MYO1E: variants seen among roughly 807,000 people sequenced by gnomAD.
MYO1E encodes the protein unconventional myosin-Ie.
A neutral mutation model predicts 151.1 loss-of-function variants in MYO1E; 68 were observed. The observed-to-expected ratio is 0.45, with a 90% confidence interval of 0.37 to 0.55. MYO1E has a LOEUF of 0.55. MYO1E is among the 20% of genes least tolerant of loss of function. The pLI is 0.00. For synonymous variants in MYO1E, 601 were observed against 501.7 expected (o/e 1.20, Z -2.64); for missense variants, 1,363 against 1,389.3 (o/e 0.98, Z 0.30).
intron 18 of MYO1E, among the ~76,000 whole-genome samples, chr15:59,180,581 CTT>C (rs1331118994): frequency 3.3e-5 from 5 of 151,004 alleles, no homozygotes; most frequent in Non-Finnish European, 5.9e-5. Flanking sequence ...CTTGCAGAGA[CTT>C]TCTCTCCCTT....
intron 12 of MYO1E, among the ~76,000 whole-genome samples, chr15:59,211,171 G>C (rs1300664787): frequency 6.8e-6 from 1 of 148,102 alleles, no homozygotes; most frequent in Non-Finnish European, 1.5e-5. Context: ...CTGCACTTCA[G>C]CCTGGATGAC....
At chr15:59,196,237 C>G (rs2140330535) in intron 16 of MYO1E, among the ~76,000 whole-genome samples, 2 of 152,184 alleles carry the variant, frequency 1.3e-5, no homozygotes, top group East Asian at 3.9e-4. Flanking sequence ...CTAGAATATT[C>G]TATATAAAAC....
chr15:59,208,939 C>A (rs2079859117), intron 13 of MYO1E, 91 bp from the exon 14 acceptor site: 5 of 1,456,632 alleles, frequency 3.4e-6, no homozygotes, highest in Non-Finnish European at 4.7e-6. Context: ...GGAAACAGCT[C>A]CCCAGACTTA....
chr15:59,311,346 A>G (rs2080550414), intron 1 of MYO1E, among the ~76,000 whole-genome samples: 1 of 152,126 alleles, frequency 6.6e-6, no homozygotes, highest in African/African-American at 2.4e-5. Context: ...GCAGTTCATA[A>G]CAGGGTTCGG....
At chr15:59,322,937 G>A (rs984011315) in intron 1 of MYO1E, among the ~76,000 whole-genome samples, 3 of 151,508 alleles carry the variant, frequency 2.0e-5, no homozygotes, top group African/African-American at 4.9e-5. Flanking sequence ...CGAGGTGGGC[G>A]GATCACGAGG....
At chr15:59,272,898 T>C (rs8039095) in intron 1 of MYO1E, among the ~76,000 whole-genome samples, 113,398 of 152,142 alleles carry the variant, frequency 0.75, 43,595 homozygotes, top group Non-Finnish European at 0.86. Context: ...TTTCTAGTCT[T>C]GTTTTGCAAA....
At chr15:59,176,289 T>C (rs1223548057) in intron 19 of MYO1E, among the ~76,000 whole-genome samples, 1 of 152,104 alleles carries the variant, frequency 6.6e-6, no homozygotes, top group African/African-American at 2.4e-5. Flanking sequence ...CTTGATCTCC[T>C]GACCTCGTGA....
intron 1 of MYO1E, among the ~76,000 whole-genome samples, chr15:59,293,003 C>G (rs2080428851): frequency 6.6e-6 from 1 of 152,142 alleles, no homozygotes; most frequent in Non-Finnish European, 1.5e-5. Context: ...GTGTGCTGGG[C>G]TGGGGAAGCC....
intron 18 of MYO1E, among the ~76,000 whole-genome samples, chr15:59,185,658 T>A (rs1217942853): frequency 3.3e-5 from 5 of 152,216 alleles, no homozygotes; most frequent in African/African-American, 1.2e-4. Context: ...GGAGGACTGC[T>A]TAAGCCCAAG....
intron 1 of MYO1E, among the ~76,000 whole-genome samples, chr15:59,329,425 C>G (rs2080685626): frequency 6.6e-6 from 1 of 152,134 alleles, no homozygotes; most frequent in South Asian, 2.1e-4. Flanking sequence ...CATTAGGTAC[C>G]CAATAGCAAT....
intron 1 of MYO1E, among the ~76,000 whole-genome samples, chr15:59,308,568 A>T (rs1408904111): frequency 6.6e-6 from 1 of 151,770 alleles, no homozygotes; most frequent in Admixed American, 6.6e-5. Flanking sequence ...GCTACATGGG[A>T]GGCTGAGGCA....
At chr15:59,300,792 C>T (rs1335794327) in intron 1 of MYO1E, among the ~76,000 whole-genome samples, 2 of 151,666 alleles carry the variant, frequency 1.3e-5, no homozygotes, top group African/African-American at 4.8e-5. Context: ...GCTAGCCAAA[C>T]GATAAAATCA....
At chr15:59,259,461 T>C (rs1566994639) in intron 3 of MYO1E, among the ~76,000 whole-genome samples, 1 of 152,204 alleles carries the variant, frequency 6.6e-6, no homozygotes, top group South Asian at 2.1e-4. Context: ...TTCCCCTCTT[T>C]AGGTCAGGTT....
rs1298967038 is a variant in MYO1E at position 59,133,311 on chromosome 15, G to T, written c.*4069C>A. ...CACCTGAGCCCTGGAGTTTGAGACT[G>T]CAGTAAGGCATGATCGCACCACTGT... On this transcript the variant is annotated 3_prime_UTR_variant, in exon 28 of 28. Coordinates refer to ENST00000288235, the MANE Select transcript of MYO1E (RefSeq NM_004998.4). 1 of 152,190 alleles carries T rather than the reference G, an allele frequency of 6.6e-6. No homozygotes were observed. The allele number at this position is 152,190 out of a possible 1,614,324, so 9.4% of individuals were successfully genotyped here.
rs550185166 is a variant in MYO1E, at chr15:59,316,125, C to T, written c.4-43676G>A. ...CCATCAAACCTCCACTTGCAAAAACCGAAAAAGCATACAAGAAATTCTTGG... is the reference window on the plus strand; with the variant it reads ...CCATCAAACCTCCACTTGCAAAAACTGAAAAAGCATACAAGAAATTCTTGG... On this transcript the variant is annotated intron_variant, in intron 1 of 27. Transcript: ENST00000288235. Among the ~76,000 whole-genome samples, 7 of 152,170 alleles carry T rather than the reference C, an allele frequency of 4.6e-5. No homozygotes were observed. The East Asian group carries it at 5.8e-4, about 13-fold the overall frequency.
intron 4 of MYO1E, among the ~76,000 whole-genome samples, chr15:59,251,997 C>T (rs564643061): frequency 1.3e-5 from 2 of 152,288 alleles, no homozygotes; most frequent in South Asian, 4.1e-4. Context: ...CAAACTTATT[C>T]TATCTGTCTA....
chr15:59,356,189 G>C (rs569431960), intron 1 of MYO1E, among the ~76,000 whole-genome samples: 1 of 152,296 alleles, frequency 6.6e-6, no homozygotes, highest in Admixed American at 6.5e-5. Flanking sequence ...CATGACTGCA[G>C]ATTGCTTTCT....
chr15:59,203,914 C>T (rs41505445), intron 15 of MYO1E, among the ~76,000 whole-genome samples: 7,631 of 152,232 alleles, frequency 0.05, 220 homozygotes, highest in Middle Eastern at 0.095. Context: ...TTTTGGGCAT[C>T]TTGAATTTTC....
chr15:59,371,435 A>ATTT (rs66673127), intron 1 of MYO1E, among the ~76,000 whole-genome samples: 1,806 of 148,290 alleles, frequency 0.012, 12 homozygotes, highest in Middle Eastern at 0.017. Context: ...CTTGTAATAG[A>ATTT]TTTTTTTTTT....
Sources: gnomAD v4.1 joint callset for allele counts (sites outside exome capture counted in the v4.1 genomes callset) on GRCh38, gnomAD v4.1.1 for gene constraint, MANE v1.5 for transcripts, NCBI Gene and HGNC (gene_info 2026-07-23, HGNC 2026-07-21) for gene names.